AOAH: variants seen among roughly 807,000 people sequenced by gnomAD.
The protein encoded by AOAH is acyloxyacyl hydrolase (neutrophil).
AOAH carries 64 observed loss-of-function variants against 92.2 expected under a neutral mutation model. That is an observed-to-expected ratio of 0.69 (90% CI 0.57 to 0.86). The LOEUF (loss-of-function observed/expected upper bound fraction) is 0.86, where lower values mean the gene tolerates loss of function less well. Ranked by LOEUF, AOAH falls within the 40% of genes least tolerant of loss-of-function variation. The probability of loss-of-function intolerance (pLI) is 0.00; values close to 1 mark genes in which losing one functional copy is unlikely to be tolerated. For missense variants in AOAH, 656 were observed against 694.6 expected, an observed-to-expected ratio of 0.94 and a Z score of 0.62; for synonymous variants, 263 against 254.5, an observed-to-expected ratio of 1.03 and a Z score of -0.32.
intron 11 of AOAH, among the ~76,000 whole-genome samples, chr7:36,612,978 A>AT (rs569632418): frequency 1.3e-5 from 2 of 151,924 alleles, no homozygotes; most frequent in South Asian, 2.1e-4. Context: ...AATTTTGTGA[A>AT]TTTTTTTGAC....
intron 4 of AOAH, among the ~76,000 whole-genome samples, chr7:36,642,233 A>G (rs771213036): frequency 2.0e-5 from 3 of 152,034 alleles, no homozygotes; most frequent in African/African-American, 4.8e-5. Context: ...CTAATAGTTA[A>G]GCTGAGATAA....
At chr7:36,633,465 G>A (rs144035936) in intron 5 of AOAH, among the ~76,000 whole-genome samples, 14 of 152,292 alleles carry the variant, frequency 9.2e-5, no homozygotes, top group East Asian at 3.9e-4. Flanking sequence ...TTTTAACAAC[G>A]TCCCCAGGAT....
At chr7:36,572,371 A>G (rs1788200383) in intron 13 of AOAH, among the ~76,000 whole-genome samples, 1 of 151,964 alleles carries the variant, frequency 6.6e-6, no homozygotes, top group African/African-American at 2.4e-5. Flanking sequence ...AATAAAAAAT[A>G]AAAATAGTCA....
chr7:36,515,661 C>CA (rs1783615292), intron 20 of AOAH, among the ~76,000 whole-genome samples: 1 of 134,902 alleles, frequency 7.4e-6, no homozygotes, highest in Non-Finnish European at 1.6e-5. Context: ...CACACACACA[C>CA]CACACCCCTC....
intron 11 of AOAH, among the ~76,000 whole-genome samples, chr7:36,613,894 A>G (rs149572668): frequency 6.6e-6 from 1 of 152,154 alleles, no homozygotes; most frequent in Non-Finnish European, 1.5e-5. Context: ...AGCAGTTTTC[A>G]TATGTATCCG....
intron 1 of AOAH, among the ~76,000 whole-genome samples, chr7:36,690,825 C>T (rs1470286573): frequency 1.3e-5 from 2 of 152,054 alleles, no homozygotes; most frequent in African/African-American, 4.8e-5. Context: ...GCAAATGGGC[C>T]CGAATAAAAA....
At chr7:36,673,836 G>A (rs916735446) in intron 3 of AOAH, 107 bp downstream of exon 3, 12 of 734,994 alleles carry the variant, frequency 1.6e-5, no homozygotes, top group Non-Finnish European at 2.8e-5. Flanking sequence ...CTCGAGCCCT[G>A]TCCAGAAAGC....
rs1439145090 is a variant in AOAH at position 36,616,490 on chromosome 7, T to C, written c.752-16A>G. The C allele has an allele frequency of 6.2e-7, 1 of 1,608,550 alleles. No homozygotes were observed. Among genetic ancestry groups the C allele is most frequent in the East Asian group, 2.2e-5 (1 of 44,842 alleles). On this transcript the variant is annotated splice_polypyrimidine_tract_variant and intron_variant, in intron 10 of 20. Coordinates refer to ENST00000617537, the MANE Select transcript of AOAH (RefSeq NM_001637.4). ...GGCTGTGAACCTAGGCAGCACAATT[T>C]ATTCACATTATTTATGCACTCAAGT...
At chr7:36,523,629 G>GTTTTTT (rs57628897) in intron 19 of AOAH, among the ~76,000 whole-genome samples, 3,886 of 100,028 alleles carry the variant, frequency 0.039, 378 homozygotes, top group East Asian at 0.1. Flanking sequence ...TGTTTTGCCT[G>GTTTTTT]TTTTTTTTTT....
chr7:36,521,661 T>A (rs1784113105), intron 20 of AOAH, among the ~76,000 whole-genome samples: 1 of 151,614 alleles, frequency 6.6e-6, no homozygotes. Context: ...CTCGTCATTT[T>A]CCTCCTTTTC....
At chr7:36,664,870 T>C (rs574245200) in intron 3 of AOAH, among the ~76,000 whole-genome samples, 54 of 152,208 alleles carry the variant, frequency 3.5e-4, no homozygotes, top group Non-Finnish European at 7.1e-4. Flanking sequence ...GAGTGGGAAG[T>C]ATCACATGAA....
rs540634627 is a variant in AOAH, at chr7:36,598,574, C to A, written c.847-4144G>T. On this transcript the variant is annotated intron_variant, in intron 11 of 20. Coordinates refer to ENST00000617537, the MANE Select transcript of AOAH (RefSeq NM_001637.4). ...CAAGTCAGAGCCCTACTATGTGAAG[C>A]ATCATGTTTAGGGCAGACCACCTAG... Among the ~76,000 whole-genome samples the A allele has an allele frequency of 1.4e-4, 21 of 152,328 alleles. 1 individual carries two copies. The South Asian group carries it at 4.4e-3, about 32-fold the overall frequency.
intron 11 of AOAH, among the ~76,000 whole-genome samples, chr7:36,602,584 C>A (rs1391534677): frequency 1.3e-5 from 2 of 151,160 alleles, no homozygotes; most frequent in Non-Finnish European, 2.9e-5. Context: ...GAAACAAATT[C>A]TTCCACAAAC....
At chr7:36,526,063 G>A (rs1018669304) in intron 19 of AOAH, among the ~76,000 whole-genome samples, 1 of 152,180 alleles carries the variant, frequency 6.6e-6, no homozygotes, top group Admixed American at 6.5e-5. Context: ...AAATAATGTC[G>A]ATGATAACAC....
intron 4 of AOAH, among the ~76,000 whole-genome samples, chr7:36,648,802 C>T (rs1794399113): frequency 6.6e-6 from 1 of 152,092 alleles, no homozygotes; most frequent in African/African-American, 2.4e-5. Context: ...TAATCAAAAA[C>T]AAGAATCTCA....
intron 2 of AOAH, among the ~76,000 whole-genome samples, chr7:36,675,147 T>C (rs1241329336): frequency 6.6e-6 from 1 of 152,048 alleles, no homozygotes; most frequent in Non-Finnish European, 1.5e-5. Context: ...TCCCAGTTAC[T>C]AGGGAGGCTG....
chr7:36,545,394 C>T (rs747122712), intron 15 of AOAH, among the ~76,000 whole-genome samples: 1 of 152,172 alleles, frequency 6.6e-6, no homozygotes, highest in Non-Finnish European at 1.5e-5. Flanking sequence ...GGAGCTCTTT[C>T]CATTCCCTTC....
chr7:36,548,566 G>T (rs769512280), intron 15 of AOAH, 46 bp downstream of exon 15: 1 of 1,524,236 alleles, frequency 6.6e-7, no homozygotes, highest in South Asian at 1.1e-5. Context: ...GTGGGGAAGA[G>T]CCCAGAGCCA....
At chr7:36,713,741 T>C (rs1421131418) in intron 1 of AOAH, among the ~76,000 whole-genome samples, 2 of 151,700 alleles carry the variant, frequency 1.3e-5, no homozygotes, top group Non-Finnish European at 1.5e-5. Flanking sequence ...GTACATAACA[T>C]AATGAAGGCA....
Sources: gnomAD v4.1 joint callset for allele counts (sites outside exome capture counted in the v4.1 genomes callset) on GRCh38, gnomAD v4.1.1 for gene constraint, MANE v1.5 for transcripts, NCBI Gene and HGNC (gene_info 2026-07-23, HGNC 2026-07-21) for gene names.